The following ZBTB16 variants were observed in gnomAD, a reference collection of about 807,000 sequenced individuals.
ZBTB16 encodes the protein zinc finger and BTB domain containing 16.
ZBTB16 carries 8 observed loss-of-function variants against 56.8 expected under a neutral mutation model. That is an observed-to-expected ratio of 0.14 (90% confidence interval 0.08 to 0.25). The LOEUF is 0.25. Among genes scored for constraint, ZBTB16 ranks in the 10% least tolerant of loss-of-function variants. ZBTB16 has a pLI of 1.00. For synonymous variants in ZBTB16, 363 were observed against 368.5 expected (o/e 0.98, Z 0.17); for missense variants, 625 against 903.0 (o/e 0.69, Z 3.95).
chr11:114,104,133 C>A (rs1336634754), intron 2 of ZBTB16, among the ~76,000 whole-genome samples: 1 of 152,142 alleles, frequency 6.6e-6, no homozygotes, highest in Non-Finnish European at 1.5e-5. Context: ...TACAATGGTG[C>A]ATTTGGATTA....
chr11:114,061,153 G>T (rs1055140141), intron 1 of ZBTB16, among the ~76,000 whole-genome samples: 4 of 151,730 alleles, frequency 2.6e-5, no homozygotes, highest in Non-Finnish European at 5.9e-5. Context: ...GGAACTGGGG[G>T]GGTGTGAGAG....
chr11:114,245,150 G>A (rs1944788828), intron 5 of ZBTB16, among the ~76,000 whole-genome samples: 1 of 152,184 alleles, frequency 6.6e-6, no homozygotes, highest in Non-Finnish European at 1.5e-5. Context: ...GTCTGCACAG[G>A]CCTCCACTCC....
Position 114,230,645 on chromosome 11 carries a change from G to GGA in ZBTB16, c.1454-11522_1454-11521insGA, listed in dbSNP as rs1375612792. 2.1e-4 allele frequency among the ~76,000 whole-genome samples: 24 copies of GGA among 114,500 alleles called. 1 individual carries two copies. Among genetic ancestry groups the GGA allele is most frequent in the East Asian group, 5.1e-4 (2 of 3,932 alleles). 75.1% of individuals were successfully genotyped at this position (114,500 alleles called of 152,430 possible). A position where few individuals can be genotyped will look rare whatever the true frequency, so the allele number is the denominator to read the frequency against. ...ATCATCTTCTGTGGGGGGGGGGCGGGAAGGAGAGGAGCCATTAAAATGTCA... is the reference window on the plus strand; with the variant it reads ...ATCATCTTCTGTGGGGGGGGGGCGGGGAAAGGAGAGGAGCCATTAAAATGTCA... On this transcript the variant is annotated intron_variant, in intron 4 of 6. Transcript: ENST00000335953.
At chr11:114,146,462 C>A (rs1190865478) in intron 2 of ZBTB16, among the ~76,000 whole-genome samples, 1 of 152,128 alleles carries the variant, frequency 6.6e-6, no homozygotes, top group Non-Finnish European at 1.5e-5. Context: ...CTATACTGTC[C>A]ATGTCAGCCA....
chr11:114,240,718 G>C (rs12282322), intron 4 of ZBTB16, among the ~76,000 whole-genome samples: 1 of 152,118 alleles, frequency 6.6e-6, no homozygotes, highest in African/African-American at 2.4e-5. Flanking sequence ...TGGAAATTTC[G>C]GCCATGGCTC....
At chr11:114,065,872 A>G (rs1939096371) in intron 2 of ZBTB16, among the ~76,000 whole-genome samples, 1 of 152,154 alleles carries the variant, frequency 6.6e-6, no homozygotes, top group Non-Finnish European at 1.5e-5. Flanking sequence ...CTTGAAGAGG[A>G]TCATGTCTAT....
chr11:114,142,478 C>T (rs2134900424), intron 2 of ZBTB16, among the ~76,000 whole-genome samples: 1 of 152,324 alleles, frequency 6.6e-6, no homozygotes, highest in Non-Finnish European at 1.5e-5. Context: ...ATTTATAGGG[C>T]AGCATGCCGC....
chr11:114,096,331 G>T (rs1421925974), intron 2 of ZBTB16, among the ~76,000 whole-genome samples: 1 of 152,158 alleles, frequency 6.6e-6, no homozygotes, highest in Non-Finnish European at 1.5e-5. Context: ...CTGATTTGTG[G>T]TAAGACATAA....
At chr11:114,240,829 C>T (rs900246631) in intron 4 of ZBTB16, among the ~76,000 whole-genome samples, 2 of 152,216 alleles carry the variant, frequency 1.3e-5, no homozygotes, top group African/African-American at 4.8e-5. Flanking sequence ...AAATGAAAAT[C>T]TCACATCACT....
intron 3 of ZBTB16, among the ~76,000 whole-genome samples, chr11:114,165,908 G>T (rs1439720462): frequency 6.6e-6 from 1 of 152,154 alleles, no homozygotes; most frequent in African/African-American, 2.4e-5. Flanking sequence ...CAAGCCTTTG[G>T]CAAATGGCTG....
chr11:114,173,955 G>C (rs1269281503), intron 3 of ZBTB16, among the ~76,000 whole-genome samples: 1 of 152,194 alleles, frequency 6.6e-6, no homozygotes, highest in East Asian at 1.9e-4. Context: ...AAGCATGGAG[G>C]TATATGCCTA....
chr11:114,158,155 C>T (rs1333363924), intron 3 of ZBTB16, among the ~76,000 whole-genome samples: 1 of 152,092 alleles, frequency 6.6e-6, no homozygotes, highest in African/African-American at 2.4e-5. Context: ...TTGATTTTTT[C>T]TGCTTTAGCC....
intron 4 of ZBTB16, among the ~76,000 whole-genome samples, chr11:114,212,473 A>G (rs907503090): frequency 1.3e-5 from 2 of 152,136 alleles, no homozygotes; most frequent in African/African-American, 4.8e-5. Flanking sequence ...ACATAGCCAC[A>G]CAAATTTAGA....
intron 2 of ZBTB16, among the ~76,000 whole-genome samples, chr11:114,141,521 AT>A (rs1941944561): frequency 6.6e-6 from 1 of 152,176 alleles, no homozygotes; most frequent in Non-Finnish European, 1.5e-5. Flanking sequence ...TCATAAAGAC[AT>A]TATGTTCTCA....
At chr11:114,137,586 C>T (rs879400913) in intron 2 of ZBTB16, among the ~76,000 whole-genome samples, 17 of 152,226 alleles carry the variant, frequency 1.1e-4, no homozygotes, top group Middle Eastern at 6.8e-3. Context: ...TCCTTCCAGC[C>T]CGCTTGTGGA....
intron 2 of ZBTB16, among the ~76,000 whole-genome samples, chr11:114,139,260 A>C (rs4936291): frequency 6.6e-6 from 1 of 151,896 alleles, no homozygotes; most frequent in African/African-American, 2.4e-5. Flanking sequence ...CCCATTGCCA[A>C]TTGCTCACAC....
At chr11:114,197,948 T>C (rs1337078614) in intron 4 of ZBTB16, among the ~76,000 whole-genome samples, 1 of 151,348 alleles carries the variant, frequency 6.6e-6, no homozygotes, top group Non-Finnish European at 1.5e-5. Flanking sequence ...AAGAACAGCC[T>C]CCCAGTGGCT....
intron 2 of ZBTB16, among the ~76,000 whole-genome samples, chr11:114,097,488 T>C (rs961337838): frequency 6.6e-6 from 1 of 152,202 alleles, no homozygotes; most frequent in Non-Finnish European, 1.5e-5. Flanking sequence ...ACAATAAAAA[T>C]GTATTTTATG....
rs2137656514 is a variant in ZBTB16 at position 114,064,697 on chromosome 11, A to G, written c.1268+129A>G. 1 of 1,234,064 alleles carries G rather than the reference A, an allele frequency of 8.1e-7. No homozygotes were observed. Among genetic ancestry groups the G allele is most frequent in the African/African-American group, 1.5e-5 (1 of 66,866 alleles). The allele number at this position is 1,234,064 out of a possible 1,614,324, so 76.4% of individuals were successfully genotyped here. A position where few individuals can be genotyped will look rare whatever the true frequency, so the allele number is the denominator to read the frequency against. ...TGGCAATTTGTGAAAAAACCAGAAC[A>G]CTTCTTCTAAAGTTCTGGCGGGGAG... is the stretch of plus-strand genomic sequence containing the variant. On this transcript the variant is annotated intron_variant, in intron 2 of 6. Coordinates refer to ENST00000335953, the MANE Select transcript of ZBTB16 (RefSeq NM_006006.6). The surrounding 1 kb of genome is among the most constrained non-coding windows in gnomAD (Gnocchi z 4.2).
Sources: allele counts gnomAD v4.1 joint callset (sites outside exome capture counted in the v4.1 genomes callset), GRCh38; gene constraint gnomAD v4.1.1; non-coding constraint Gnocchi (gnomAD v3.1); transcripts MANE v1.5; gene names NCBI Gene and HGNC (gene_info 2026-07-23, HGNC 2026-07-21).